The following VPS41 variants were observed in gnomAD, a reference collection of about 807,000 sequenced individuals.
The protein encoded by VPS41 is vacuolar protein sorting-associated protein 41 homolog.
In VPS41, 85 loss-of-function variants were observed where a neutral mutation model predicts 130.9. The observed-to-expected ratio is 0.65, with a 90% CI of 0.55 to 0.78. VPS41 has a LOEUF of 0.78. Ranked by LOEUF, VPS41 falls within the 30% of genes least tolerant of loss-of-function variation. VPS41 has a pLI of 0.00. For missense variants in VPS41, 874 were observed against 1,018.7 expected (o/e 0.86, Z 1.93); for synonymous variants, 335 against 332.9 (o/e 1.01, Z -0.07).
At chr7:38,818,365 C>T (rs1785103847) in intron 6 of VPS41, among the ~76,000 whole-genome samples, 2 of 152,288 alleles carry the variant, frequency 1.3e-5, no homozygotes, top group African/African-American at 4.8e-5. Context: ...TACACCAAGA[C>T]CCCATCAATG....
At chr7:38,794,687 T>C (rs1016749714) in intron 9 of VPS41, among the ~76,000 whole-genome samples, 5 of 152,196 alleles carry the variant, frequency 3.3e-5, no homozygotes, top group African/African-American at 1.2e-4. Flanking sequence ...CTGGACTTGA[T>C]CCCAGGTCTG....
intron 4 of VPS41, among the ~76,000 whole-genome samples, chr7:38,832,319 C>CTTTTTTTTTTTTTTTTT (rs543207806): frequency 5.2e-5 from 6 of 114,742 alleles, no homozygotes; most frequent in Non-Finnish European, 1.0e-4. Context: ...TTCTTTCTTT[C>CTTTTTTTTTTTTTTTTT]TTTTTTTTTT....
intron 15 of VPS41, among the ~76,000 whole-genome samples, 198 bp downstream of exon 15, chr7:38,767,336 AAAT>A (rs963703432): frequency 1.1e-4 from 17 of 152,206 alleles, no homozygotes; most frequent in African/African-American, 3.6e-4. Context: ...ATAGTTGGGA[AAAT>A]AATAAACATT....
chr7:38,742,398 GT>G (rs1160847119), intron 24 of VPS41, among the ~76,000 whole-genome samples: 1 of 152,066 alleles, frequency 6.6e-6, no homozygotes, highest in Non-Finnish European at 1.5e-5. Flanking sequence ...TCAAAATACA[GT>G]TTTTAGCATC....
chr7:38,857,148 G>A (rs1164344962), intron 4 of VPS41, among the ~76,000 whole-genome samples: 2 of 152,152 alleles, frequency 1.3e-5, no homozygotes, highest in African/African-American at 2.4e-5. Flanking sequence ...ATCAAAAACA[G>A]GAATAGAAAT....
intron 9 of VPS41, among the ~76,000 whole-genome samples, chr7:38,791,096 C>A (rs1784527143): frequency 6.6e-6 from 1 of 152,182 alleles, no homozygotes; most frequent in South Asian, 2.1e-4. Context: ...GTAGAAGCCT[C>A]CACATAGAAG....
intron 2 of VPS41, among the ~76,000 whole-genome samples, chr7:38,886,325 A>T (rs1786730345): frequency 6.6e-6 from 1 of 152,218 alleles, no homozygotes; most frequent in African/African-American, 2.4e-5. Context: ...CGGTCTTTGC[A>T]ACCAGCAGAC....
At chr7:38,856,868 C>T (rs961571916) in intron 4 of VPS41, among the ~76,000 whole-genome samples, 3 of 152,052 alleles carry the variant, frequency 2.0e-5, no homozygotes, top group Non-Finnish European at 4.4e-5. Context: ...AACAGGCAAG[C>T]CCATGGCAAT....
chr7:38,861,882 C>A (rs1786121928), intron 4 of VPS41, among the ~76,000 whole-genome samples: 1 of 152,138 alleles, frequency 6.6e-6, no homozygotes, highest in South Asian at 2.1e-4. Context: ...AAGCCTGGTT[C>A]TTTGCTTTCA....
chr7:38,871,611 C>T (rs1029712284), intron 2 of VPS41, among the ~76,000 whole-genome samples: 6 of 152,170 alleles, frequency 3.9e-5, no homozygotes, highest in African/African-American at 1.4e-4. Context: ...TCAAATTCAG[C>T]TATGAGTGCT....
chr7:38,818,656 T>C (rs3801135), intron 6 of VPS41, among the ~76,000 whole-genome samples: 52,939 of 152,082 alleles, frequency 0.35, 9,911 homozygotes, highest in Admixed American at 0.56. Flanking sequence ...GGAGCTCATC[T>C]GTTGTGGCTG....
intron 4 of VPS41, 116 bp downstream of exon 4, chr7:38,862,429 T>C (rs538337460): frequency 3.2e-5 from 19 of 596,192 alleles, no homozygotes; most frequent in Middle Eastern, 4.3e-4. Flanking sequence ...AGCACTCTGA[T>C]TGAATTAATA....
At chr7:38,807,032 T>C (rs1040001069) in intron 7 of VPS41, among the ~76,000 whole-genome samples, 1 of 152,210 alleles carries the variant, frequency 6.6e-6, no homozygotes, top group African/African-American at 2.4e-5. Context: ...ACCTCCCACT[T>C]TGGCTAAAAT....
chr7:38,873,611 T>C (rs950596096), intron 2 of VPS41, among the ~76,000 whole-genome samples: 2 of 152,194 alleles, frequency 1.3e-5, no homozygotes, highest in African/African-American at 4.8e-5. Flanking sequence ...TGCGTTTCTA[T>C]GACAACCTAG....
In VPS41 at chr7:38,858,987, T is replaced by C. The variant is rs773385752; in HGVS notation, c.246+3558A>G. On this transcript the variant is annotated intron_variant, in intron 4 of 28. Coordinates refer to ENST00000310301, the MANE Select transcript of VPS41 (RefSeq NM_014396.4). ...ACAGCTCCATGTGCGTTACTACCCC[T>C]GAAGGCCTTCCAGCAGGACAAAATG... is the stretch of plus-strand genomic sequence containing the variant. 5.8e-4 allele frequency among the ~76,000 whole-genome samples: 88 copies of C among 152,254 alleles called. No homozygotes were observed. In the Middle Eastern group the frequency reaches 0.02, roughly 35 times the overall value.
intron 9 of VPS41, among the ~76,000 whole-genome samples, chr7:38,794,455 C>T (rs1784585032): frequency 6.6e-6 from 1 of 152,214 alleles, no homozygotes; most frequent in Admixed American, 6.5e-5. Flanking sequence ...GAGAAGAGTA[C>T]ATTTTAAATA....
chr7:38,756,675 T>C (rs986016324), intron 19 of VPS41, among the ~76,000 whole-genome samples, 163 bp downstream of exon 19: 17 of 152,182 alleles, frequency 1.1e-4, no homozygotes, highest in Admixed American at 8.5e-4. Context: ...GCCAAACAAC[T>C]AGAATAACAA....
chr7:38,818,249 C>CAA (rs11421525), intron 6 of VPS41, among the ~76,000 whole-genome samples: 2,383 of 130,294 alleles, frequency 0.018, 66 homozygotes, highest in African/African-American at 0.058. Flanking sequence ...GAAAACAAAA[C>CAA]AAAAAAAAAA....
rs1226741681 is a variant in VPS41, at chr7:38,816,505, C to T, written c.450+1312G>A. On this transcript the variant is annotated intron_variant, in intron 7 of 28. Coordinates refer to ENST00000310301, the MANE Select transcript of VPS41 (RefSeq NM_014396.4). ...GCCATTCCATAGCTCTATACTACTA[C>T]AGAAATAGCTATAGACTACTTCCTT... 3.3e-5 allele frequency among the ~76,000 whole-genome samples: 5 copies of T among 152,296 alleles called. No individual in the cohort carries two copies. In the South Asian group the frequency reaches 8.3e-4, roughly 25 times the overall value.
Sources: allele counts gnomAD v4.1 joint callset (sites outside exome capture counted in the v4.1 genomes callset), GRCh38; gene constraint gnomAD v4.1.1; transcripts MANE v1.5; gene names NCBI Gene and HGNC (gene_info 2026-07-23, HGNC 2026-07-21).